The following APP variants were observed in gnomAD, a reference collection of about 807,000 sequenced individuals.
The protein encoded by APP is amyloid-beta precursor protein.
A neutral mutation model predicts 101.4 loss-of-function variants in APP; 31 were observed. The observed-to-expected ratio is 0.31, with a 90% CI of 0.23 to 0.41. The LOEUF is 0.41. Ranked by LOEUF, APP falls within the 10% of genes least tolerant of loss-of-function variation. The pLI, the probability that APP is intolerant of heterozygous loss-of-function variation, is 1.00. For synonymous variants in APP, 366 were observed against 364.4 expected, an observed-to-expected ratio of 1.00 and a Z score of -0.05; for missense variants, 839 against 1,003.7, an observed-to-expected ratio of 0.84 and a Z score of 2.22.
intron 13 of APP, among the ~76,000 whole-genome samples, chr21:25,928,082 C>T (rs1288332860): frequency 2.0e-5 from 3 of 152,110 alleles, no homozygotes; most frequent in Non-Finnish European, 4.4e-5. Flanking sequence ...CGGTGGCTCA[C>T]GCCTGTAATC....
At chr21:26,050,898 G>A in intron 5 of APP, 102 bp downstream of exon 5, 1 of 1,418,678 alleles carries the variant, frequency 7.0e-7, no homozygotes, top group Non-Finnish European at 9.8e-7. Flanking sequence ...GGAGTGGGCA[G>A]AGACCTTTTC....
intron 14 of APP, among the ~76,000 whole-genome samples, chr21:25,910,465 C>T (rs888596856): frequency 6.6e-6 from 1 of 152,192 alleles, no homozygotes; most frequent in Non-Finnish European, 1.5e-5. Context: ...TCTCCATCAA[C>T]ATTTGCTGCT....
At chr21:25,912,648 A>T (rs905274860) in intron 13 of APP, among the ~76,000 whole-genome samples, 3 of 151,962 alleles carry the variant, frequency 2.0e-5, no homozygotes, top group Non-Finnish European at 4.4e-5. Context: ...GGCTCCCCGT[A>T]TTTCCCAATG....
At chr21:26,121,125 T>C (rs2062558537) in intron 1 of APP, among the ~76,000 whole-genome samples, 1 of 152,230 alleles carries the variant, frequency 6.6e-6, no homozygotes, top group South Asian at 2.1e-4. Flanking sequence ...TTTCACCATG[T>C]GGCAGAGTCA....
intron 1 of APP, among the ~76,000 whole-genome samples, chr21:26,139,283 T>C: frequency 6.6e-6 from 1 of 152,222 alleles, no homozygotes; most frequent in Non-Finnish European, 1.5e-5. Flanking sequence ...CATTATCGTG[T>C]GCATACCTTA....
intron 13 of APP, among the ~76,000 whole-genome samples, chr21:25,939,253 G>A (rs2040478267): frequency 6.6e-6 from 1 of 152,204 alleles, no homozygotes; most frequent in Non-Finnish European, 1.5e-5. Flanking sequence ...AAGGAAGCCA[G>A]GAAGCCAGCT....
At chr21:26,012,635 G>A (rs1490340088) in intron 6 of APP, among the ~76,000 whole-genome samples, 4 of 152,190 alleles carry the variant, frequency 2.6e-5, no homozygotes, top group African/African-American at 7.2e-5. Context: ...TTTGTAACCT[G>A]CTCAAGGAAT....
chr21:25,937,246 C>CATAT lies in APP; in HGVS notation c.1687+17343_1687+17344insATAT, dbSNP rs1214489280. ...ATAGTATATGACTTCCATCCCAAGT[C>CATAT]ACTATAGGATATACTTTAAGAAACA... On this transcript the variant is annotated intron_variant, in intron 13 of 17. Coordinates refer to ENST00000346798, the MANE Select transcript of APP (RefSeq NM_000484.4). Among the ~76,000 whole-genome samples, 70 of 152,238 alleles carry CATAT rather than the reference C, an allele frequency of 4.6e-4. 1 individual carries two copies. Among genetic ancestry groups the CATAT allele is most frequent in the Non-Finnish European group, 8.1e-4 (55 of 68,008 alleles).
intron 14 of APP, among the ~76,000 whole-genome samples, chr21:25,908,849 T>TA (rs2038919278): frequency 6.6e-6 from 1 of 152,222 alleles, no homozygotes; most frequent in African/African-American, 2.4e-5. Flanking sequence ...AGAGGCTAAG[T>TA]AACTTGCTCA....
chr21:26,052,167 A>G lies in APP; in HGVS notation c.469-974T>C, dbSNP rs186858617. On this transcript the variant is annotated intron_variant, in intron 4 of 17. Transcript: ENST00000346798. ...TGTCTAACAGCTATAAAGCTATGAT[A>G]CAATGGTTAAGCTAAGCTAGATCAG... Among the ~76,000 whole-genome samples, 20 of 152,334 alleles carry G rather than the reference A, an allele frequency of 1.3e-4. No individual in the cohort carries two copies. The East Asian group carries it at 3.3e-3, about 25-fold the overall frequency.
At chr21:26,046,529 A>G (rs927963040) in intron 5 of APP, among the ~76,000 whole-genome samples, 3 of 152,176 alleles carry the variant, frequency 2.0e-5, no homozygotes, top group African/African-American at 7.2e-5. Flanking sequence ...CTCTTTAAAA[A>G]AAAAATGTTC....
At chr21:25,914,632 C>A (rs991175298) in intron 13 of APP, among the ~76,000 whole-genome samples, 1 of 148,154 alleles carries the variant, frequency 6.7e-6, no homozygotes, top group Non-Finnish European at 1.5e-5. Context: ...CGGCTCACTG[C>A]AAGCTCCGCC....
chr21:26,151,670 G>C (rs455047), intron 1 of APP, among the ~76,000 whole-genome samples: 76,187 of 151,866 alleles, frequency 0.5, 19,552 homozygotes, highest in African/African-American at 0.6. Context: ...AGTGTGCAAC[G>C]CAGCTCTCAC....
chr21:25,966,158 C>T (rs938015182), intron 11 of APP, among the ~76,000 whole-genome samples: 1 of 152,176 alleles, frequency 6.6e-6, no homozygotes, highest in Non-Finnish European at 1.5e-5. Context: ...AAGATTTTAT[C>T]GAACTTGGTA....
At chr21:26,166,149 C>T (rs1466045068) in intron 1 of APP, among the ~76,000 whole-genome samples, 1 of 152,104 alleles carries the variant, frequency 6.6e-6, no homozygotes, top group African/African-American at 2.4e-5. Flanking sequence ...ATAACATTTC[C>T]CCCTTTACTA....
At chr21:25,972,448 C>T (rs2042066829) in intron 11 of APP, among the ~76,000 whole-genome samples, 1 of 151,910 alleles carries the variant, frequency 6.6e-6, no homozygotes, top group Admixed American at 6.6e-5. Flanking sequence ...TATTTTTTAC[C>T]CAGCAAAAAT....
chr21:26,095,190 G>A (rs993067811), intron 2 of APP, among the ~76,000 whole-genome samples: 1 of 152,056 alleles, frequency 6.6e-6, no homozygotes, highest in African/African-American at 2.4e-5. Flanking sequence ...TGTTGCCCAG[G>A]CTGGTCTCAA....
chr21:26,038,030 G>T (rs962914464), intron 5 of APP, among the ~76,000 whole-genome samples: 2 of 152,060 alleles, frequency 1.3e-5, no homozygotes, highest in Admixed American at 1.3e-4. Context: ...AAAGTAGAAT[G>T]ACTTTGCTAT....
intron 8 of APP, among the ~76,000 whole-genome samples, chr21:25,993,012 T>A (rs1161253925): frequency 6.6e-6 from 1 of 152,228 alleles, no homozygotes; most frequent in South Asian, 2.1e-4. Context: ...ATGGCTCCTG[T>A]CTTTACAACG....
Sources: allele counts gnomAD v4.1 joint callset (sites outside exome capture counted in the v4.1 genomes callset), GRCh38; gene constraint gnomAD v4.1.1; transcripts MANE v1.5; gene names NCBI Gene and HGNC (gene_info 2026-07-23, HGNC 2026-07-21).